The following SELENOH variants were observed in gnomAD, a reference collection of about 807,000 sequenced individuals.
The protein encoded by SELENOH is chromosome 11 open reading frame 31.
A neutral mutation model predicts 11.9 loss-of-function variants in SELENOH; 13 were observed. The ratio of observed to expected loss-of-function variants is 1.09; its 90% CI spans 0.71 to 1.74. The LOEUF (loss-of-function observed/expected upper bound fraction) is 1.74, where lower values mean the gene tolerates loss of function less well. Ranked by LOEUF, SELENOH falls within the 40% of genes most tolerant of loss-of-function variation. The pLI, the probability that SELENOH is intolerant of heterozygous loss-of-function variation, is 0.00. For missense variants in SELENOH, 223 were observed against 170.3 expected (o/e 1.31, Z -1.72); for synonymous variants, 96 against 73.5 (o/e 1.31, Z -1.56).
In SELENOH at chr11:57,741,820, G is replaced by A. The variant is rs11552989; in HGVS notation, c.134G>A (p.Arg45His). 2 of 1,605,876 alleles carry A rather than the reference G, an allele frequency of 1.2e-6. No homozygotes were observed. Among genetic ancestry groups the A allele is most frequent in the East Asian group, 2.2e-5 (1 of 44,528 alleles). ...CCGTCTCTCCCTAGCACTAGCTGAC[G>A]CGTCTATGGGCGCAACGCCGCGGCC... ...TVVIEHCTSU[R>H]VYGRNAAALS... Residue 45 changes from arginine (R) to histidine (H), a missense_variant, in exon 2 of 4, where the codon CGC (arginine) becomes CAC (histidine). Coordinates refer to ENST00000534355, the MANE Select transcript of SELENOH (RefSeq NM_170746.4).
Position 57,741,912 on chromosome 11 carries a change from A to AGGGGCAGCTTC in SELENOH, c.228_238dup (p.Glu80GlyfsTer?). 6.3e-7 allele frequency: 1 copy of AGGGGCAGCTTC among 1,594,222 alleles called. No homozygotes were observed. The highest frequency in any genetic ancestry group is 8.5e-7 in the Non-Finnish European group (1 of 1,174,606). On this transcript the variant is annotated frameshift_variant, in exon 2 of 4. Transcript: ENST00000534355. LOFTEE classifies it high-confidence loss of function. ...AAAGGTGAACCCGACGAAGCCCCGG[A>AGGGGCAGCTTC]GGGGCAGCTTCGAGGTGACGCTGCT... is the stretch of plus-strand genomic sequence containing the variant.
At chr11:57,741,770 C>T (rs550979949) in intron 1 of SELENOH, 39 bp from the exon 2 acceptor site, 2 of 1,599,310 alleles carry the variant, frequency 1.3e-6, no homozygotes, top group African/African-American at 2.7e-5. Context: ...CCGGGGGGGG[C>T]CAGGGGCCCC....
chr11:57,741,703 T>C lies in SELENOH; in HGVS notation c.108T>C (p.Val36=), dbSNP rs1949076546. ...NGGEGMEEAT[V]VIEHCTSURV... is the part of the protein sequence containing the mutation. Reference sequence around the variant, plus strand: ...GGGAGGGAATGGAGGAGGCGACCGTTGTTATCGAGCATTGGTGAGGGGCCT... The same window carrying C: ...GGGAGGGAATGGAGGAGGCGACCGTCGTTATCGAGCATTGGTGAGGGGCCT... Residue 36 remains valine (V), a synonymous_variant, in exon 1 of 4, where the codon GTT becomes GTC. Transcript: ENST00000534355. 6.4e-7 allele frequency: 1 copy of C among 1,551,548 alleles called. No homozygotes were observed. Among genetic ancestry groups the C allele is most frequent in the South Asian group, 1.2e-5 (1 of 83,660 alleles).
At position 57,742,185 on chromosome 11, in the gene SELENOH, G is replaced by T; in HGVS notation, c.337G>T (p.Val113Leu). ...RKLKFPEPQE[V>L]VEELKKYLS ...ACTCAAATTCCCTGAGCCTCAAGAG[G>T]TGGTGGAAGAGTTGAAGAAGTACCT... Residue 113 changes from valine (V) to leucine (L), a missense_variant, in exon 3 of 4, where the codon GTG (valine) becomes TTG (leucine). Coordinates refer to ENST00000534355, the MANE Select transcript of SELENOH (RefSeq NM_170746.4). The T allele has an allele frequency of 1.2e-6, 2 of 1,611,534 alleles. No individual in the cohort carries two copies. The highest frequency in any genetic ancestry group is 2.2e-5 in the East Asian group (1 of 44,846).
In SELENOH at chr11:57,742,179, CAA is replaced by C. The variant is rs1313576299; in HGVS notation, c.332_333del (p.Gln111ArgfsTer?). The C allele has an allele frequency of 1.7e-5, 27 of 1,611,628 alleles. No individual in the cohort carries two copies. Among genetic ancestry groups the C allele is most frequent in the Non-Finnish European group, 2.3e-5 (27 of 1,179,056 alleles). Reference protein sequence around the residue: ...PPRKLKFPEPQEVVEELKKYL... With the variant: ...PPRKLKFPEPXEVVEELKKYL... Reference sequence around the variant, plus strand: ...ACGCAAACTCAAATTCCCTGAGCCTCAAGAGGTGGTGGAAGAGTTGAAGAAGT... The same window carrying C: ...ACGCAAACTCAAATTCCCTGAGCCTCGAGGTGGTGGAAGAGTTGAAGAAGT... On this transcript the variant is annotated frameshift_variant, in exon 3 of 4. Transcript: ENST00000534355. LOFTEE classifies it high-confidence loss of function.
intron 2 of SELENOH, 75 bp from the exon 3 acceptor site, chr11:57,742,042 C>CT: frequency 6.3e-7 from 1 of 1,583,460 alleles, no homozygotes; most frequent in Non-Finnish European, 8.6e-7. Context: ...TTAGAAACCA[C>CT]GGCAGTCTCA....
At chr11:57,742,269 G>T in intron 3 of SELENOH, 22 bp downstream of exon 3, 1 of 1,496,078 alleles carries the variant, frequency 6.7e-7, no homozygotes, top group Non-Finnish European at 9.2e-7. Context: ...GAAGTGGGGG[G>T]CGCGACCGCT....
chr11:57,741,896 C>T lies in SELENOH; in HGVS notation c.210C>T (p.Asn70=), dbSNP rs537644420. ...LEAPELPVKV[N]PTKPRRGSFE... is the part of the protein sequence containing the mutation. ...CCCCAGAGCTTCCAGTAAAGGTGAA[C>T]CCGACGAAGCCCCGGAGGGGCAGCT... Residue 70 remains asparagine (N), a synonymous_variant, in exon 2 of 4, where the codon AAC becomes AAT. Transcript: ENST00000534355. 1 of 1,593,982 alleles carries T rather than the reference C, an allele frequency of 6.3e-7. No individual in the cohort carries two copies. Among genetic ancestry groups the T allele is most frequent in the African/African-American group, 1.4e-5 (1 of 73,696 alleles).
intron 3 of SELENOH, 81 bp from the exon 4 acceptor site, chr11:57,742,782 G>C (rs1326350378): frequency 1.3e-5 from 2 of 154,600 alleles, no homozygotes; most frequent in African/African-American, 4.8e-5. Flanking sequence ...GTGAGTTCAA[G>C]GGTTGGGGAA....
rs1171656980 is a variant in SELENOH at position 57,741,676 on chromosome 11, C to G, written c.81C>G (p.Gly27=). The part of the protein sequence containing the change: ...VAEKREKLAN[G]GEGMEEATVV... Reference sequence around the variant, plus strand: ...AGAAGCGAGAGAAGCTGGCGAACGGCGGGGAGGGAATGGAGGAGGCGACCG... The same window carrying G: ...AGAAGCGAGAGAAGCTGGCGAACGGGGGGGAGGGAATGGAGGAGGCGACCG... The change falls in exon 1 of 4, where the codon GGC becomes GGG. Residue 27 remains glycine, a synonymous_variant. Transcript: ENST00000534355. 1 of 1,470,778 alleles carries G rather than the reference C, an allele frequency of 6.8e-7. No homozygotes were observed. The highest frequency in any genetic ancestry group is 2.5e-5 in the Admixed American group (1 of 39,484). 91.1% of individuals were successfully genotyped at this position (1,470,778 alleles called of 1,614,324 possible).
Position 57,741,673 on chromosome 11 carries a change from C to T in SELENOH, c.78C>T (p.Asn26=). 2 of 1,460,908 alleles carry T rather than the reference C, an allele frequency of 1.4e-6. No individual in the cohort carries two copies. The highest frequency in any genetic ancestry group is 1.8e-6 in the Non-Finnish European group (2 of 1,105,524). 90.5% of individuals were successfully genotyped at this position (1,460,908 alleles called of 1,614,324 possible). ...CCGAGAAGCGAGAGAAGCTGGCGAA[C>T]GGCGGGGAGGGAATGGAGGAGGCGA... ...AVAEKREKLA[N]GGEGMEEATV... is the part of the protein sequence containing the mutation. The change falls in exon 1 of 4, where the codon AAC becomes AAT. Residue 26 remains asparagine, a synonymous_variant. Transcript: ENST00000534355.
intron 3 of SELENOH, 69 bp downstream of exon 3, chr11:57,742,316 C>A (rs1023225382): frequency 8.4e-7 from 1 of 1,191,546 alleles, no homozygotes; most frequent in Non-Finnish European, 1.2e-6. Context: ...GGTGTGGCTA[C>A]AAGTACCCAC....
intron 1 of SELENOH, 43 bp from the exon 2 acceptor site, chr11:57,741,766 G>A: frequency 6.2e-7 from 1 of 1,600,694 alleles, no homozygotes; most frequent in Non-Finnish European, 8.5e-7. Flanking sequence ...GGCGCCGGGG[G>A]GGGCCAGGGG....
Position 57,741,621 on chromosome 11 carries a change from AG to A in SELENOH, c.28del (p.Ala10LeufsTer8), listed in dbSNP as rs1949073027. MAPRGRKRKAEAAVVAVAE... is the reference protein window; with the variant it reads MAPRGRKRXAEAAVVAVAE... ...ATGGCTCCCCGCGGGAGGAAGCGTA[AG>A]GCTGAGGCCGCGGTGGTCGCCGTAG... On this transcript the variant is annotated frameshift_variant, in exon 1 of 4. Coordinates refer to ENST00000534355, the MANE Select transcript of SELENOH (RefSeq NM_170746.4). LOFTEE classifies it high-confidence loss of function. The A allele has an allele frequency of 2.3e-6, 3 of 1,300,252 alleles. No homozygotes were observed. The highest frequency in any genetic ancestry group is 3.0e-6 in the Non-Finnish European group (3 of 1,016,888). 80.5% of individuals were successfully genotyped at this position (1,300,252 alleles called of 1,614,324 possible).
chr11:57,742,412 G>A, intron 3 of SELENOH, 165 bp downstream of exon 3: 2 of 586,536 alleles, frequency 3.4e-6, no homozygotes, highest in Non-Finnish European at 6.0e-6. Context: ...GACCCTATTT[G>A]AAAACAAAAA....
In SELENOH at chr11:57,742,083, A is replaced by G. The variant is rs752958130; in HGVS notation, c.269-34A>G. ...TCAGAGACGTGCTCGTGGGTTCCGA[A>G]GTATTGTAACTTCGCTTCATTCTGG... On this transcript the variant is annotated intron_variant, in intron 2 of 3. Coordinates refer to ENST00000534355, the MANE Select transcript of SELENOH (RefSeq NM_170746.4). 7 of 1,598,448 alleles carry G rather than the reference A, an allele frequency of 4.4e-6. No individual in the cohort carries two copies. In the South Asian group the frequency reaches 6.8e-5, roughly 15 times the overall value.
rs1949087904 is a variant in SELENOH at position 57,741,876 on chromosome 11, G to C, written c.190G>C (p.Glu64Gln). The C allele has an allele frequency of 6.2e-7, 1 of 1,600,302 alleles. No homozygotes were observed. The highest frequency in any genetic ancestry group is 8.5e-7 in the Non-Finnish European group (1 of 1,176,030). Reference protein sequence around the residue: ...LSQALRLEAPELPVKVNPTKP... With the variant: ...LSQALRLEAPQLPVKVNPTKP... The stretch of plus-strand genomic sequence containing the variant: ...CCAGGCGCTGCGCCTGGAGGCCCCA[G>C]AGCTTCCAGTAAAGGTGAACCCGAC... Residue 64 changes from glutamate (E) to glutamine (Q), a missense_variant, in exon 2 of 4, where the codon GAG becomes CAG. Physicochemically the swap from Glu to Gln is conservative, Grantham distance 29 (BLOSUM62 2). Coordinates refer to ENST00000534355, the MANE Select transcript of SELENOH (RefSeq NM_170746.4).
chr11:57,741,776 G>C lies in SELENOH; in HGVS notation c.123-33G>C, dbSNP rs772219776. The C allele has an allele frequency of 2.5e-6, 4 of 1,601,702 alleles. No individual in the cohort carries two copies. The Admixed American group carries it at 6.9e-5, about 28-fold the overall frequency. The stretch of plus-strand genomic sequence containing the variant: ...ACAGTGGCGCCGGGGGGGGCCAGGG[G>C]CCCCGGTTTCTAACCTCTCCGTCTC... On this transcript the variant is annotated intron_variant, in intron 1 of 3. Coordinates refer to ENST00000534355, the MANE Select transcript of SELENOH (RefSeq NM_170746.4).
At chr11:57,742,663 A>C (rs1949118263) in intron 3 of SELENOH, 200 bp from the exon 4 acceptor site, 2 of 175,382 alleles carry the variant, frequency 1.1e-5, no homozygotes, top group African/African-American at 4.8e-5. Flanking sequence ...AAGGATTTTG[A>C]CCTTGTCTTT....
Sources: allele counts gnomAD v4.1 joint callset, GRCh38; gene constraint gnomAD v4.1.1; transcripts MANE v1.5; gene names NCBI Gene and HGNC (gene_info 2026-07-23, HGNC 2026-07-21).